Variants in PPFIA2 observed in about 807,000 individuals in gnomAD.
The protein encoded by PPFIA2 is PPFI scaffold protein A2, also known as liprin-alpha-2.
In PPFIA2, 46 loss-of-function variants were observed where a neutral mutation model predicts 175.5. The observed-to-expected ratio is 0.26, with a 90% CI of 0.21 to 0.34. PPFIA2 has a LOEUF of 0.34. PPFIA2 is among the 10% of genes least tolerant of loss of function. The pLI is 1.00. For synonymous variants in PPFIA2, 568 were observed against 511.4 expected, an observed-to-expected ratio of 1.11 and a Z score of -1.49; for missense variants, 1,179 against 1,506.1, an observed-to-expected ratio of 0.78 and a Z score of 3.60.
intron 4 of PPFIA2, among the ~76,000 whole-genome samples, chr12:81,502,441 T>C (rs547835859): frequency 2.0e-5 from 3 of 152,306 alleles, no homozygotes; most frequent in African/African-American, 7.2e-5. Flanking sequence ...TCTATACTTC[T>C]CCCACTTCCA....
intron 6 of PPFIA2, among the ~76,000 whole-genome samples, chr12:81,445,186 T>C (rs1421504307): frequency 9.2e-6 from 1 of 108,196 alleles, no homozygotes; most frequent in Non-Finnish European, 1.7e-5. Context: ...TATTTTGGAA[T>C]CTATAAAGAA....
chr12:81,421,820 T>C (rs1020377826), intron 7 of PPFIA2, among the ~76,000 whole-genome samples: 1 of 151,892 alleles, frequency 6.6e-6, no homozygotes. Context: ...TCATTTTACA[T>C]ATAAAGACAC....
chr12:81,550,947 G>T (rs917166336), intron 4 of PPFIA2, among the ~76,000 whole-genome samples: 2 of 151,944 alleles, frequency 1.3e-5, no homozygotes, highest in African/African-American at 4.8e-5. Flanking sequence ...ATTCAAGAAG[G>T]AGGGAGTTAT....
chr12:81,326,752 G>C (rs759611434), intron 21 of PPFIA2, among the ~76,000 whole-genome samples: 1 of 151,932 alleles, frequency 6.6e-6, no homozygotes, highest in East Asian at 1.9e-4. Flanking sequence ...TTCTGAAGTC[G>C]AGCTAAATGA....
chr12:81,541,344 G>A (rs536557287), intron 4 of PPFIA2, among the ~76,000 whole-genome samples: 5 of 151,872 alleles, frequency 3.3e-5, no homozygotes, highest in African/African-American at 1.2e-4. Context: ...TTCTGTTCAT[G>A]GGCTCCTCCT....
rs568190203 is a variant in PPFIA2 at position 81,664,758 on chromosome 12, T to C, written c.303+12033A>G. ...CACATGCATGTTTATTGCAGCACTA[T>C]TCACAATAGCAAAGACTTGGAACCA... On this transcript the variant is annotated intron_variant, in intron 4 of 32. Coordinates refer to ENST00000549396, the MANE Select transcript of PPFIA2 (RefSeq NM_003625.5). 1.5e-4 allele frequency among the ~76,000 whole-genome samples: 23 copies of C among 152,212 alleles called. 1 individual carries two copies. Among genetic ancestry groups the C allele is most frequent in the African/African-American group, 5.5e-4 (23 of 41,464 alleles).
In PPFIA2 at chr12:81,536,780, A is replaced by T. The variant is rs1348151369; in HGVS notation, c.304-78914T>A. Among the ~76,000 whole-genome samples the T allele has an allele frequency of 2.8e-5, 4 of 144,392 alleles. No homozygotes were observed. The East Asian group carries it at 5.9e-4, about 21-fold the overall frequency. The allele number at this position is 144,392 out of a possible 152,430, so 94.7% of individuals were successfully genotyped here. A position where few individuals can be genotyped will look rare whatever the true frequency, so the allele number is the denominator to read the frequency against. On this transcript the variant is annotated intron_variant, in intron 4 of 32. Coordinates refer to ENST00000549396, the MANE Select transcript of PPFIA2 (RefSeq NM_003625.5). ...TATATATATATATAGTTTTGAAGAA[A>T]AATATAAAATAACTTCTCCATTAGA...
intron 24 of PPFIA2, among the ~76,000 whole-genome samples, chr12:81,290,730 AAT>A (rs1429094050): frequency 6.6e-6 from 1 of 151,852 alleles, no homozygotes; most frequent in Admixed American, 6.6e-5. Flanking sequence ...AGGGAGAAAA[AAT>A]AGCAACACAA....
chr12:81,665,798 A>G (rs1184782031), intron 4 of PPFIA2, among the ~76,000 whole-genome samples: 5 of 152,104 alleles, frequency 3.3e-5, no homozygotes, highest in Non-Finnish European at 7.4e-5. Context: ...TCTGCACAGC[A>G]AAAGAAACTA....
chr12:81,536,745 C>CAT (rs3075445), intron 4 of PPFIA2, among the ~76,000 whole-genome samples: 59,725 of 136,402 alleles, frequency 0.44, 12,892 homozygotes, highest in East Asian at 0.59. Flanking sequence ...TATACATAAA[C>CAT]ATATATATAT....
intron 4 of PPFIA2, among the ~76,000 whole-genome samples, chr12:81,465,919 G>A (rs956624066): frequency 1.8e-4 from 28 of 152,230 alleles, no homozygotes; most frequent in African/African-American, 6.5e-4. Context: ...ATATCACTAT[G>A]TATATGCAAT....
chr12:81,391,993 T>C lies in PPFIA2; in HGVS notation c.763-7749A>G, dbSNP rs916660066. ...AGACTGGCTTTTGCTCAAGGTGATATGAAAACTATAGGAAGGTGTTGAGCA... is the reference window on the plus strand; with the variant it reads ...AGACTGGCTTTTGCTCAAGGTGATACGAAAACTATAGGAAGGTGTTGAGCA... On this transcript the variant is annotated intron_variant, in intron 8 of 32. Transcript: ENST00000549396. Among the ~76,000 whole-genome samples, 27 of 151,856 alleles carry C rather than the reference T, an allele frequency of 1.8e-4. 1 individual carries two copies. The highest frequency in any genetic ancestry group is 1.4e-3 in the Admixed American group (21 of 15,198).
chr12:81,587,469 C>A (rs1042591800), intron 4 of PPFIA2, among the ~76,000 whole-genome samples: 1 of 151,912 alleles, frequency 6.6e-6, no homozygotes, highest in African/African-American at 2.4e-5. Context: ...TTATAAATTA[C>A]CCAGTCTTGG....
At chr12:81,363,197 G>C (rs1211598716) in intron 14 of PPFIA2, among the ~76,000 whole-genome samples, 1 of 151,360 alleles carries the variant, frequency 6.6e-6, no homozygotes, top group East Asian at 1.9e-4. Flanking sequence ...AAGATGATTG[G>C]ATTGAAAGAA....
At chr12:81,666,758 T>C (rs1340270926) in intron 4 of PPFIA2, among the ~76,000 whole-genome samples, 4 of 151,686 alleles carry the variant, frequency 2.6e-5, no homozygotes, top group African/African-American at 9.7e-5. Flanking sequence ...ACTTAAAGTA[T>C]AATAAAAAAT....
intron 4 of PPFIA2, among the ~76,000 whole-genome samples, chr12:81,467,829 G>T (rs994826955): frequency 1.3e-5 from 2 of 152,170 alleles, no homozygotes; most frequent in African/African-American, 4.8e-5. Context: ...AGTCTGACCA[G>T]AATCCAGGGT....
rs71098155 is a variant in PPFIA2 at position 81,618,526 on chromosome 12, C to CTT, written c.303+58263_303+58264dup. ...AAACCTGCTTTTGATACCCATGGCA[C>CTT]TTTTTTTTTTTTTTTTTTTTGAGAT... On this transcript the variant is annotated intron_variant, in intron 4 of 32. Coordinates refer to ENST00000549396, the MANE Select transcript of PPFIA2 (RefSeq NM_003625.5). 7.8e-3 allele frequency among the ~76,000 whole-genome samples: 897 copies of CTT among 114,660 alleles called. 29 individuals are homozygous for CTT. Among genetic ancestry groups the CTT allele is most frequent in the East Asian group, 0.036 (145 of 4,022 alleles). The allele number at this position is 114,660 out of a possible 152,430, so 75.2% of individuals were successfully genotyped here.
At chr12:81,559,330 G>T (rs1212625155) in intron 4 of PPFIA2, among the ~76,000 whole-genome samples, 1 of 152,196 alleles carries the variant, frequency 6.6e-6, no homozygotes, top group African/African-American at 2.4e-5. Flanking sequence ...ATGTGTGTGT[G>T]TGCACATATA....
At chr12:81,323,628 G>T (rs2054148574) in intron 22 of PPFIA2, among the ~76,000 whole-genome samples, 1 of 151,884 alleles carries the variant, frequency 6.6e-6, no homozygotes, top group Admixed American at 6.6e-5. Flanking sequence ...AAAAATCCAA[G>T]AATAGGCTGT....
Sources: gnomAD v4.1 joint callset for allele counts (sites outside exome capture counted in the v4.1 genomes callset) on GRCh38, gnomAD v4.1.1 for gene constraint, MANE v1.5 for transcripts, NCBI Gene and HGNC (gene_info 2026-07-23, HGNC 2026-07-21) for gene names.